The following EFCAB13 variants were observed in gnomAD, a reference collection of about 807,000 sequenced individuals.
EFCAB13 encodes the protein EF-hand calcium binding domain 13, also known as EF-hand calcium-binding domain-containing protein 13.
A neutral mutation model predicts 110.2 loss-of-function variants in EFCAB13; 91 were observed. The ratio of observed to expected loss-of-function variants is 0.83; its 90% CI spans 0.70 to 0.98. EFCAB13 has a LOEUF of 0.98. Among genes scored for constraint, EFCAB13 ranks in the 50% least tolerant of loss-of-function variants. The probability of loss-of-function intolerance (pLI) is 0.00; values close to 1 mark genes in which losing one functional copy is unlikely to be tolerated. For missense variants in EFCAB13, 968 were observed against 1,119.4 expected (o/e 0.86, Z 1.93); for synonymous variants, 323 against 369.9 (o/e 0.87, Z 1.45).
intron 17 of EFCAB13, among the ~76,000 whole-genome samples, chr17:47,398,577 T>A (rs1419336058): frequency 6.6e-6 from 1 of 152,006 alleles, no homozygotes; most frequent in East Asian, 2.0e-4. Flanking sequence ...CTCTGAATCA[T>A]GTGCTGTGTC....
At chr17:47,344,894 C>G (rs2065507175) in intron 7 of EFCAB13, 122 bp from the exon 8 acceptor site, 1 of 728,240 alleles carries the variant, frequency 1.4e-6, no homozygotes, top group Admixed American at 2.5e-5. Context: ...TTTTCCATAA[C>G]TTGGACAGTT....
intron 17 of EFCAB13, among the ~76,000 whole-genome samples, chr17:47,397,332 G>A (rs2065745968): frequency 6.6e-6 from 1 of 152,170 alleles, no homozygotes; most frequent in Non-Finnish European, 1.5e-5. Flanking sequence ...TGCCCAGGCT[G>A]GAGTGCAGTG....
chr17:47,404,001 T>G lies in EFCAB13; in HGVS notation c.2141T>G (p.Leu714Arg). The G allele has an allele frequency of 1.9e-6, 3 of 1,594,886 alleles. No homozygotes were observed. Among genetic ancestry groups the G allele is most frequent in the Non-Finnish European group, 2.6e-6 (3 of 1,173,418 alleles). ...KSPKEEVEKI[L>R]QSDFVSEDNM... ...CCTAAAGAAGAGGTAGAGAAAATTC[T>G]TCAATCAGATTTTGTTTCTGGTAAG... Residue 714 changes from leucine to arginine, a missense_variant, in exon 19 of 25, where the codon CTT becomes CGT. Coordinates refer to ENST00000331493, the MANE Select transcript of EFCAB13 (RefSeq NM_152347.5).
chr17:47,424,254 C>T (rs1904848452), intron 23 of EFCAB13, among the ~76,000 whole-genome samples: 1 of 152,144 alleles, frequency 6.6e-6, no homozygotes. Context: ...TCGGAGTGGC[C>T]CCTTGGACGC....
At chr17:47,414,512 CAA>C (rs59295107) in intron 22 of EFCAB13, among the ~76,000 whole-genome samples, 36 of 97,134 alleles carry the variant, frequency 3.7e-4, no homozygotes, top group Middle Eastern at 6.2e-3. Flanking sequence ...GACTCCATCT[CAA>C]AAAAAAAAAA....
At chr17:47,397,201 AC>A (rs538560190) in intron 17 of EFCAB13, among the ~76,000 whole-genome samples, 3,213 of 151,918 alleles carry the variant, frequency 0.021, 102 homozygotes, top group East Asian at 0.17. Flanking sequence ...TTTGGTGGAG[AC>A]GGGGTTTCGC....
intron 9 of EFCAB13, among the ~76,000 whole-genome samples, chr17:47,351,764 T>C (rs2065454490): frequency 6.6e-6 from 1 of 152,172 alleles, no homozygotes; most frequent in Non-Finnish European, 1.5e-5. Flanking sequence ...TTATTTCTTT[T>C]GCTGTGCAGA....
intron 10 of EFCAB13, among the ~76,000 whole-genome samples, chr17:47,368,913 T>C (rs1225095181): frequency 6.6e-6 from 1 of 152,222 alleles, no homozygotes; most frequent in Non-Finnish European, 1.5e-5. Flanking sequence ...GGGGTCACTT[T>C]ATAGATGAAA....
intron 12 of EFCAB13, among the ~76,000 whole-genome samples, chr17:47,375,964 G>T (rs2065613255): frequency 6.6e-6 from 1 of 151,944 alleles, no homozygotes; most frequent in African/African-American, 2.4e-5. Context: ...GATGAGCAAT[G>T]GTTTCCCAAC....
Position 47,412,865 on chromosome 17 carries a change from A to G in EFCAB13, c.2371A>G (p.Asn791Asp). 1 of 1,613,794 alleles carries G rather than the reference A, an allele frequency of 6.2e-7. No homozygotes were observed. The highest frequency in any genetic ancestry group is 8.5e-7 in the Non-Finnish European group (1 of 1,179,842). ...GCATGCCTTGAAATGTTTGAATGTT[A>G]ATTTAACTGAGGAGGACTTCAATGA... ...LEHALKCLNV[N>D]LTEEDFNEAL... is the part of the protein sequence containing the mutation. The change falls in exon 22 of 25, where the codon AAT becomes GAT. Residue 791 changes from asparagine (N) to aspartate (D), a missense_variant. By Grantham distance (23) the Asn-to-Asp change is conservative (BLOSUM62 1). Coordinates refer to ENST00000331493, the MANE Select transcript of EFCAB13 (RefSeq NM_152347.5).
intron 10 of EFCAB13, among the ~76,000 whole-genome samples, chr17:47,364,627 A>G (rs1356095831): frequency 3.3e-5 from 5 of 152,126 alleles, no homozygotes; most frequent in African/African-American, 1.2e-4. Context: ...TCTTAGTCCA[A>G]GTTCACATAA....
intron 15 of EFCAB13, among the ~76,000 whole-genome samples, chr17:47,393,701 G>A (rs1169774056): frequency 6.7e-6 from 1 of 148,690 alleles, no homozygotes; most frequent in Non-Finnish European, 1.5e-5. Flanking sequence ...GGGTGACAGA[G>A]TGAGACTCTT....
intron 12 of EFCAB13, 72 bp from the exon 13 acceptor site, chr17:47,377,694 A>G (rs1381451464): frequency 7.5e-7 from 1 of 1,330,638 alleles, no homozygotes; most frequent in South Asian, 1.7e-5. Context: ...TAATTTCTAA[A>G]GATTTTGAGT....
chr17:47,435,668 T>C (rs1905198919), intron 24 of EFCAB13, among the ~76,000 whole-genome samples: 1 of 152,118 alleles, frequency 6.6e-6, no homozygotes, highest in Admixed American at 6.5e-5. Flanking sequence ...GCTGATTCTT[T>C]TATCAGTTCT....
intron 4 of EFCAB13, among the ~76,000 whole-genome samples, chr17:47,333,624 A>G (rs112234507): frequency 1.2e-4 from 19 of 152,262 alleles, no homozygotes; most frequent in African/African-American, 4.6e-4. Context: ...GTGTGAGATA[A>G]TGTCCCAATT....
intron 17 of EFCAB13, among the ~76,000 whole-genome samples, chr17:47,397,965 T>G (rs1195346112): frequency 4.2e-5 from 5 of 119,348 alleles, no homozygotes; most frequent in East Asian, 2.6e-4. Context: ...GGGAGGGAGG[T>G]GGGGGGGTCA....
chr17:47,406,370 A>C (rs1263679843), intron 20 of EFCAB13, among the ~76,000 whole-genome samples: 4 of 152,088 alleles, frequency 2.6e-5, no homozygotes, highest in Non-Finnish European at 5.9e-5. Flanking sequence ...CGGCCTCCCA[A>C]AGTGCTGGGA....
chr17:47,403,285 C>T (rs1246274851), intron 18 of EFCAB13, among the ~76,000 whole-genome samples: 1 of 152,172 alleles, frequency 6.6e-6, no homozygotes, highest in Non-Finnish European at 1.5e-5. Context: ...TATTTACTCT[C>T]CACATCAACC....
rs10514930 is a variant in EFCAB13, at chr17:47,440,827, A to G, written c.*113A>G. ...TTTTAAAACTTTTGACAAATCCAGT[A>G]GAATTTTTATCACTATCTGTTATGT... On this transcript the variant is annotated 3_prime_UTR_variant, in exon 25 of 25. Coordinates refer to ENST00000331493, the MANE Select transcript of EFCAB13 (RefSeq NM_152347.5). 6.8e-3 allele frequency: 6,031 copies of G among 892,500 alleles called. 259 individuals are homozygous for G. The African/African-American group carries it at 0.091, about 13-fold the overall frequency. The allele number at this position is 892,500 out of a possible 1,614,324, so 55.3% of individuals were successfully genotyped here.
Sources: gnomAD v4.1 joint callset for allele counts (sites outside exome capture counted in the v4.1 genomes callset) on GRCh38, gnomAD v4.1.1 for gene constraint, MANE v1.5 for transcripts, NCBI Gene and HGNC (gene_info 2026-07-23, HGNC 2026-07-21) for gene names.